EPB41L1: variants seen among roughly 807,000 people sequenced by gnomAD.
The protein encoded by EPB41L1 is erythrocyte membrane protein band 4.1 like 1, also known as band 4.1-like protein 1.
A neutral mutation model predicts 97.8 loss-of-function variants in EPB41L1; 29 were observed. The observed-to-expected ratio is 0.30, with a 90% confidence interval of 0.22 to 0.40. The LOEUF (loss-of-function observed/expected upper bound fraction) is 0.40. Ranked by LOEUF, EPB41L1 falls within the 10% of genes least tolerant of loss-of-function variation. EPB41L1 has a pLI of 1.00. For missense variants in EPB41L1, 812 were observed against 1,162.3 expected, an observed-to-expected ratio of 0.70 and a Z score of 4.38; for synonymous variants, 383 against 459.2, an observed-to-expected ratio of 0.83 and a Z score of 2.12.
chr20:36,222,048 C>T (rs2063813207), intron 20 of EPB41L1, 104 bp downstream of exon 20: 2 of 1,257,414 alleles, frequency 1.6e-6, no homozygotes, highest in African/African-American at 1.5e-5. Flanking sequence ...GAGAAGGTGT[C>T]CACTTCTTGC....
At position 36,190,854 on chromosome 20, in the gene EPB41L1, G is replaced by A. The variant is rs2061916970; in HGVS notation, c.1300+57G>A. On this transcript the variant is annotated intron_variant, in intron 11 of 21. Transcript: ENST00000338074. This position sits in a 1 kb window ranked among gnomAD's most constrained non-coding sequence, Gnocchi z 5.8. Reference sequence around the variant, plus strand: ...ATGGTCTTCAGAGGGAACTGGGGGAGTGGGCATGCTGGGTTCTGCAGAATG... The same window carrying A: ...ATGGTCTTCAGAGGGAACTGGGGGAATGGGCATGCTGGGTTCTGCAGAATG... The A allele has an allele frequency of 6.3e-7, 1 of 1,599,050 alleles. No homozygotes were observed. The highest frequency in any genetic ancestry group is 1.1e-5 in the South Asian group (1 of 90,342).
chr20:36,214,171 A>T (rs536337191), intron 16 of EPB41L1, among the ~76,000 whole-genome samples, 186 bp from the exon 17 acceptor site: 1 of 151,974 alleles, frequency 6.6e-6, no homozygotes, highest in East Asian at 1.9e-4. Context: ...TTATTTACCA[A>T]ATACACTGGT....
chr20:36,146,649 T>C (rs1187425278), intron 2 of EPB41L1, among the ~76,000 whole-genome samples: 1 of 152,126 alleles, frequency 6.6e-6, no homozygotes, highest in Admixed American at 6.6e-5. Context: ...AAGAGAGGAC[T>C]GAAAAGACAG....
chr20:36,153,517 T>C (rs1464188171), upstream of EPB41L1, among the ~76,000 whole-genome samples: 2 of 152,134 alleles, frequency 1.3e-5, no homozygotes, highest in Non-Finnish European at 2.9e-5. Context: ...AATAGTTGTG[T>C]ATGCCTGGAG....
At chr20:36,193,337 A>G (rs1473740945) in intron 11 of EPB41L1, among the ~76,000 whole-genome samples, 1 of 152,228 alleles carries the variant, frequency 6.6e-6, no homozygotes, top group Non-Finnish European at 1.5e-5. Flanking sequence ...AACATAGGGT[A>G]TTGTGTAAAT....
Position 36,206,851 on chromosome 20 carries a change from A to G in EPB41L1, c.1669-2637A>G. 14 of 1,289,918 alleles carry G rather than the reference A, an allele frequency of 1.1e-5. No individual in the cohort carries two copies. The highest frequency in any genetic ancestry group is 1.4e-5 in the Non-Finnish European group (14 of 988,892). The allele number at this position is 1,289,918 out of a possible 1,614,324, so 79.9% of individuals were successfully genotyped here. A position where few individuals can be genotyped will look rare whatever the true frequency, so the allele number is the denominator to read the frequency against. ...AGATTTGCTGGGAAAGGCTGAGGAA[A>G]GTCCCACAGAGGAACTGAAGAAGCA... On this transcript the variant is annotated intron_variant, in intron 14 of 21. Coordinates refer to ENST00000338074, the MANE Select transcript of EPB41L1 (RefSeq NM_012156.2). The surrounding 1 kb of genome is among the most constrained non-coding windows in gnomAD (Gnocchi z 5.5).
intron 9 of EPB41L1, among the ~76,000 whole-genome samples, chr20:36,188,815 A>G (rs972401432): frequency 2.0e-5 from 3 of 151,372 alleles, no homozygotes; most frequent in Admixed American, 1.3e-4. Flanking sequence ...CCCCGTCTCT[A>G]CTAAAAATAC....
chr20:36,165,749 G>C (rs941593565), intron 1 of EPB41L1, among the ~76,000 whole-genome samples: 10 of 152,300 alleles, frequency 6.6e-5, no homozygotes, highest in African/African-American at 2.4e-4. Flanking sequence ...GATCAGATCG[G>C]AAGTGGAAGC....
chr20:36,229,398 A>G lies in EPB41L1; in HGVS notation c.*58A>G. On this transcript the variant is annotated 3_prime_UTR_variant, in exon 22 of 22. Coordinates refer to ENST00000338074, the MANE Select transcript of EPB41L1 (RefSeq NM_012156.2). ...AACCCAAGCCAGAGAACCATTAAGA[A>G]GGGGCCTTCATTCTGGATTCTCCGA... The G allele has an allele frequency of 6.3e-7, 1 of 1,584,914 alleles. No homozygotes were observed. Among genetic ancestry groups the G allele is most frequent in the Non-Finnish European group, 8.7e-7 (1 of 1,153,900 alleles).
At position 36,206,383 on chromosome 20, in the gene EPB41L1, C is replaced by T. The variant is rs147198743; in HGVS notation, c.1669-3105C>T. ...CTCTCCAGCCTCCGACAAGGGAGGA[C>T]TCCAGTCGTTTCTATTGGATCCAGC... On this transcript the variant is annotated intron_variant, in intron 14 of 21. Coordinates refer to ENST00000338074, the MANE Select transcript of EPB41L1 (RefSeq NM_012156.2). The surrounding 1 kb of genome is among the most constrained non-coding windows in gnomAD (Gnocchi z 5.5). 2,630 of 1,289,964 alleles carry T rather than the reference C, an allele frequency of 2.0e-3. 3 individuals carry two copies. The highest frequency in any genetic ancestry group is 2.4e-3 in the Non-Finnish European group (2,361 of 988,904). The allele number at this position is 1,289,964 out of a possible 1,614,324, so 79.9% of individuals were successfully genotyped here.
At chr20:36,102,631 C>A (rs767723657) in intron 1 of EPB41L1, among the ~76,000 whole-genome samples, 7 of 152,178 alleles carry the variant, frequency 4.6e-5, no homozygotes, top group African/African-American at 1.2e-4. Context: ...AGTCCAAGTT[C>A]TTTGTCCTTT....
intron 21 of EPB41L1, among the ~76,000 whole-genome samples, chr20:36,225,658 A>G (rs1227956905): frequency 6.6e-6 from 1 of 152,022 alleles, no homozygotes; most frequent in African/African-American, 2.4e-5. Context: ...CCCCCTTCCA[A>G]TTACAGTCCT....
chr20:36,228,970 G>A (rs1182918106), intron 21 of EPB41L1, among the ~76,000 whole-genome samples: 1 of 152,046 alleles, frequency 6.6e-6, no homozygotes, highest in African/African-American at 2.4e-5. Flanking sequence ...GGAAACAAGC[G>A]AGCAAACACA....
intron 14 of EPB41L1, among the ~76,000 whole-genome samples, chr20:36,204,163 C>T (rs1207633160): frequency 2.0e-5 from 3 of 152,120 alleles, no homozygotes; most frequent in Non-Finnish European, 4.4e-5. Context: ...GATGCTTCTC[C>T]AGGTCTGAGT....
intron 1 of EPB41L1, among the ~76,000 whole-genome samples, chr20:36,168,481 A>G (rs1368375789): frequency 2.0e-5 from 3 of 151,348 alleles, no homozygotes; most frequent in Non-Finnish European, 4.4e-5. Context: ...TACTGCTGGT[A>G]ATTATAGACC....
In EPB41L1 at chr20:36,195,234, TG is replaced by T; in HGVS notation, c.1450-92del. The T allele has an allele frequency of 6.6e-7, 1 of 1,506,864 alleles. No homozygotes were observed. The highest frequency in any genetic ancestry group is 9.2e-7 in the Non-Finnish European group (1 of 1,087,072). 93.3% of individuals were successfully genotyped at this position (1,506,864 alleles called of 1,614,324 possible). A position where few individuals can be genotyped will look rare whatever the true frequency, so the allele number is the denominator to read the frequency against. ...TCCACTTGGTCGAGTGTGCGTGCTC[TG>T]GGCTCCTTGCTGGACCAAGCCCATC... On this transcript the variant is annotated intron_variant, in intron 12 of 21. Coordinates refer to ENST00000338074, the MANE Select transcript of EPB41L1 (RefSeq NM_012156.2). The surrounding 1 kb of genome is among the most constrained non-coding windows in gnomAD (Gnocchi z 4.6).
At chr20:36,131,746 A>T (rs1364728238) in intron 2 of EPB41L1, among the ~76,000 whole-genome samples, 1 of 152,176 alleles carries the variant, frequency 6.6e-6, no homozygotes, top group Non-Finnish European at 1.5e-5. Flanking sequence ...CCACCTAGTG[A>T]TGCAGGGGCA....
intron 1 of EPB41L1, among the ~76,000 whole-genome samples, chr20:36,096,198 G>A (rs1288348853): frequency 2.0e-5 from 3 of 152,100 alleles, no homozygotes; most frequent in Non-Finnish European, 4.4e-5. Context: ...TCTATTAATT[G>A]AAACACTTGG....
At chr20:36,145,688 G>A (rs761236249) in intron 2 of EPB41L1, among the ~76,000 whole-genome samples, 1 of 152,226 alleles carries the variant, frequency 6.6e-6, no homozygotes, top group Non-Finnish European at 1.5e-5. Context: ...CACTAGAAAT[G>A]TCTGTAGTGA....
Sources: gnomAD v4.1 joint callset for allele counts (sites outside exome capture counted in the v4.1 genomes callset) on GRCh38, gnomAD v4.1.1 for gene constraint, Gnocchi (gnomAD v3.1) non-coding constraint, MANE v1.5 for transcripts, NCBI Gene and HGNC (gene_info 2026-07-23, HGNC 2026-07-21) for gene names.